Variants in UBE2U observed in about 807,000 individuals in gnomAD.
UBE2U encodes ubiquitin-conjugating enzyme E2 U.
A neutral mutation model predicts 41.2 loss-of-function variants in UBE2U; 39 were observed. The ratio of observed to expected loss-of-function variants is 0.95; its 90% CI spans 0.73 to 1.24. UBE2U has a LOEUF of 1.24. UBE2U is among the 50% of genes most tolerant of loss of function. UBE2U has a pLI of 0.00. For missense variants in UBE2U, 336 were observed against 363.1 expected, an observed-to-expected ratio of 0.93 and a Z score of 0.61; for synonymous variants, 107 against 117.8, an observed-to-expected ratio of 0.91 and a Z score of 0.60.
chr1:64,232,632 A>AATACTACAGAACTCCATGTAAGGTG lies in UBE2U; in HGVS notation c.580_595+9dup. ...AGAATAGCTACATCAAAAGCCACAG[A>AATACTACAGAACTCCATGTAAGGTG]ATACTACAGAACTCCATGTAAGGTG... is the stretch of plus-strand genomic sequence containing the variant. On this transcript the variant is annotated frameshift_variant, in exon 7 of 10. Transcript: ENST00000371077. LOFTEE classifies it high-confidence loss of function. The AATACTACAGAACTCCATGTAAGGTG allele has an allele frequency of 6.2e-7, 1 of 1,612,928 alleles. No homozygotes were observed.
chr1:64,211,634 T>C (rs1292178539), intron 4 of UBE2U, among the ~76,000 whole-genome samples: 2 of 151,688 alleles, frequency 1.3e-5, no homozygotes, highest in East Asian at 1.9e-4. Flanking sequence ...AGAGACGGGG[T>C]CTCACTATGT....
rs1156901930 is a variant in UBE2U, at chr1:64,206,855, T to C, written c.240T>C (p.Asn80=). The C allele has an allele frequency of 6.4e-7, 1 of 1,554,068 alleles. No homozygotes were observed. Among genetic ancestry groups the C allele is most frequent in the African/African-American group, 1.4e-5 (1 of 73,222 alleles). ...VKFITIPFHP[N]VDPHTGQPCI... is the part of the protein sequence containing the mutation. ...TTATAACAATTCCGTTTCATCCAAA[T>C]GGTAAGAACTAAATGACATTTTTAT... The change falls in exon 3 of 10, where the codon AAT becomes AAC. Residue 80 remains asparagine, a splice_region_variant and synonymous_variant. Transcript: ENST00000371077.
At chr1:64,210,907 G>T in intron 4 of UBE2U, 68 bp downstream of exon 4, 2 of 1,125,488 alleles carry the variant, frequency 1.8e-6, no homozygotes, top group Non-Finnish European at 2.5e-6. Flanking sequence ...AAACTACAAG[G>T]ATTAAAATAT....
At chr1:64,262,435 T>C (rs1354219715) in intron 9 of UBE2U, among the ~76,000 whole-genome samples, 1 of 152,186 alleles carries the variant, frequency 6.6e-6, no homozygotes, top group African/African-American at 2.4e-5. Context: ...CTGGGCTGCA[T>C]TCTCATCCTA....
At chr1:64,239,157 A>AAGAAGAAGAAAAGAAGAAG in intron 7 of UBE2U, among the ~76,000 whole-genome samples, 6 of 37,070 alleles carry the variant, frequency 1.6e-4, no homozygotes, top group African/African-American at 5.1e-4. Flanking sequence ...GAAGAAGAAG[A>AAGAAGAAGAAAAGAAGAAG]AAGAAGAAGA....
chr1:64,210,462 C>T (rs2100261115), intron 3 of UBE2U, among the ~76,000 whole-genome samples: 1 of 152,276 alleles, frequency 6.6e-6, no homozygotes, highest in East Asian at 1.9e-4. Context: ...AGAAATTGCA[C>T]ACTTATCCTT....
chr1:64,209,685 G>T (rs1462057970), intron 3 of UBE2U, among the ~76,000 whole-genome samples: 8 of 65,398 alleles, frequency 1.2e-4, no homozygotes, highest in Non-Finnish European at 1.9e-4. Flanking sequence ...CCCCGCCCCC[G>T]CCCGCCCCGC....
At position 64,260,649 on chromosome 1, in the gene UBE2U, G is replaced by T. The variant is rs1459854859; in HGVS notation, c.724G>T (p.Glu242Ter). Reference sequence around the variant, plus strand: ...GCTTGCTAGAAAAAGAATGCCTCATGAAGTCACTCACTCAATGGAAGAAAT... The same window carrying T: ...GCTTGCTAGAAAAAGAATGCCTCATTAAGTCACTCACTCAATGGAAGAAAT... ...CWLARKRMPHEVTHSMEEIKL... is the reference protein window; with the variant it reads ...CWLARKRMPH Residue 242 changes from glutamate (E) to a stop codon, truncating the protein, a stop_gained, in exon 9 of 10, where the codon GAA becomes TAA. Transcript: ENST00000371077. LOFTEE classifies it low-confidence loss of function (END_TRUNC). The T allele has an allele frequency of 6.5e-7, 1 of 1,549,568 alleles. No homozygotes were observed. Among genetic ancestry groups the T allele is most frequent in the African/African-American group, 1.4e-5 (1 of 73,004 alleles).
At chr1:64,239,107 A>AGAAGAAG (rs1644744061) in intron 7 of UBE2U, among the ~76,000 whole-genome samples, 1 of 11,058 alleles carries the variant, frequency 9.0e-5, no homozygotes, top group African/African-American at 7.5e-4. Context: ...AAGAAGAAGA[A>AGAAGAAG]GAAGAAGAAG....
At position 64,237,404 on chromosome 1, in the gene UBE2U, A is replaced by G. The variant is rs532839339; in HGVS notation, c.596-4248A>G. 1.6e-4 allele frequency among the ~76,000 whole-genome samples: 25 copies of G among 152,230 alleles called. No homozygotes were observed. The East Asian group carries it at 4.6e-3, about 28-fold the overall frequency. On this transcript the variant is annotated intron_variant, in intron 7 of 9. Coordinates refer to ENST00000371077, the MANE Select transcript of UBE2U (RefSeq NM_001366232.2). Reference sequence around the variant, plus strand: ...AACTATACTGTGGATGCAATAGAGGATGCTTTCCTACCACAGATTACAAAA... The same window carrying G: ...AACTATACTGTGGATGCAATAGAGGGTGCTTTCCTACCACAGATTACAAAA...
At chr1:64,261,534 CT>C (rs1645180544) in intron 9 of UBE2U, among the ~76,000 whole-genome samples, 1 of 152,214 alleles carries the variant, frequency 6.6e-6, no homozygotes, top group African/African-American at 2.4e-5. Context: ...TCCAAGGGCC[CT>C]GCCCCCGTAT....
In UBE2U at chr1:64,267,231, A is replaced by G; in HGVS notation, c.*23A>G. ...TAAGCAGAACATTATCAGATTCAAA[A>G]AATAAACAGCCTCCGCCATAGCCCA... is the stretch of plus-strand genomic sequence containing the variant. On this transcript the variant is annotated 3_prime_UTR_variant, in exon 10 of 10. Transcript: ENST00000371077. 2 of 1,467,078 alleles carry G rather than the reference A, an allele frequency of 1.4e-6. No individual in the cohort carries two copies. Among genetic ancestry groups the G allele is most frequent in the Non-Finnish European group, 1.8e-6 (2 of 1,110,808 alleles). The allele number at this position is 1,467,078 out of a possible 1,614,324, so 90.9% of individuals were successfully genotyped here.
intron 6 of UBE2U, among the ~76,000 whole-genome samples, chr1:64,226,850 A>G (rs1001521728): frequency 6.6e-6 from 1 of 152,218 alleles, no homozygotes; most frequent in African/African-American, 2.4e-5. Flanking sequence ...AAAGGAAATT[A>G]TAGGTCAATA....
intron 7 of UBE2U, among the ~76,000 whole-genome samples, chr1:64,239,151 A>AGG (rs1644764753): frequency 4.2e-5 from 1 of 23,842 alleles, no homozygotes; most frequent in South Asian, 2.5e-3. Context: ...GAAGAAGAAG[A>AGG]AGAAGAAAGA....
intron 8 of UBE2U, among the ~76,000 whole-genome samples, chr1:64,253,112 A>G (rs1219872364): frequency 1.3e-5 from 2 of 152,318 alleles, no homozygotes; most frequent in East Asian, 3.9e-4. Context: ...GAACTTCACA[A>G]CGCAATCACA....
chr1:64,236,418 A>C (rs531955367), intron 7 of UBE2U, among the ~76,000 whole-genome samples: 1 of 152,288 alleles, frequency 6.6e-6, no homozygotes, highest in South Asian at 2.1e-4. Flanking sequence ...ATATTTGTAA[A>C]TAATTATAAT....
chr1:64,215,603 G>A (rs1418010429), intron 5 of UBE2U: 1 of 152,214 alleles, frequency 6.6e-6, no homozygotes, highest in African/African-American at 2.4e-5. Flanking sequence ...AGATCTTACT[G>A]ATTTGTACCA....
chr1:64,223,184 G>A (rs1652612966), intron 6 of UBE2U, among the ~76,000 whole-genome samples: 1 of 152,142 alleles, frequency 6.6e-6, no homozygotes, highest in East Asian at 1.9e-4. Context: ...TGATTAATAT[G>A]TCATCCCTAA....
chr1:64,230,606 C>T (rs1644544807), intron 6 of UBE2U, among the ~76,000 whole-genome samples: 1 of 150,574 alleles, frequency 6.6e-6, no homozygotes, highest in African/African-American at 2.4e-5. Context: ...TTTTTTTTTT[C>T]CAGACCTGTA....
Sources: gnomAD v4.1 joint callset for allele counts (sites outside exome capture counted in the v4.1 genomes callset) on GRCh38, gnomAD v4.1.1 for gene constraint, MANE v1.5 for transcripts, NCBI Gene and HGNC (gene_info 2026-07-23, HGNC 2026-07-21) for gene names.